The following TAFA1 variants were observed in gnomAD, a reference collection of about 807,000 sequenced individuals.
The protein encoded by TAFA1 is chemokine-like protein TAFA-1.
Under a neutral mutation model 18.5 loss-of-function variants are expected in TAFA1, and 4 were observed. The observed-to-expected ratio is 0.22, with a 90% CI of 0.11 to 0.49. TAFA1 has a LOEUF of 0.49. Ranked by LOEUF, TAFA1 falls within the 20% of genes least tolerant of loss-of-function variation. The probability of loss-of-function intolerance (pLI) is 0.98; values close to 1 mark genes in which losing one functional copy is unlikely to be tolerated. For missense variants in TAFA1, 147 were observed against 169.0 expected, an observed-to-expected ratio of 0.87 and a Z score of 0.72; for synonymous variants, 56 against 55.2, an observed-to-expected ratio of 1.01 and a Z score of -0.06.
intron 2 of TAFA1, among the ~76,000 whole-genome samples, chr3:68,389,419 G>T (rs1159321702): frequency 6.6e-6 from 1 of 152,002 alleles, no homozygotes. Context: ...TAATATCTTT[G>T]TATGCATAAC....
chr3:67,995,944 A>G, the TAFA1 span, among the ~76,000 whole-genome samples: 1 of 152,244 alleles, frequency 6.6e-6, no homozygotes, highest in South Asian at 2.1e-4. Context: ...GTATTCATTC[A>G]TTCGCACATT....
Position 68,544,638 on chromosome 3 carries a change from C to A in TAFA1, c.*135C>A. ...GACTGGCTACCAGATAATCACAGTG[C>A]GTTTACTGTGTGTAACGAAATATCC... On this transcript the variant is annotated 3_prime_UTR_variant, in exon 5 of 5. Transcript: ENST00000478136. 2 of 855,110 alleles carry A rather than the reference C, an allele frequency of 2.3e-6. No homozygotes were observed. The highest frequency in any genetic ancestry group is 3.8e-6 in the Non-Finnish European group (2 of 530,284). 53.0% of individuals were successfully genotyped at this position (855,110 alleles called of 1,614,324 possible).
rs564263005 is a variant in TAFA1 at position 68,181,587 on chromosome 3, A to C, written c.118+174843A>C. Among the ~76,000 whole-genome samples, 127 of 152,258 alleles carry C rather than the reference A, an allele frequency of 8.3e-4. 1 individual carries two copies. Among genetic ancestry groups the C allele is most frequent in the African/African-American group, 3.0e-3 (123 of 41,556 alleles). ...ATAGGGTAATTATTATTTTTTATGC[A>C]CTGTTTAGATTTATCTTTTAAAAAT... is the stretch of plus-strand genomic sequence containing the variant. On this transcript the variant is annotated intron_variant, in intron 2 of 4. Transcript: ENST00000478136.
chr3:68,426,760 G>A (rs1198586773), intron 3 of TAFA1, among the ~76,000 whole-genome samples: 5 of 151,686 alleles, frequency 3.3e-5, no homozygotes, highest in South Asian at 2.1e-4. Flanking sequence ...TGGCTGTTTC[G>A]GGTACATAAT....
At chr3:68,060,556 G>T (rs2064590256) in intron 2 of TAFA1, among the ~76,000 whole-genome samples, 1 of 152,208 alleles carries the variant, frequency 6.6e-6, no homozygotes, top group Non-Finnish European at 1.5e-5. Context: ...ACCAGCAAAT[G>T]AGATGGTGGG....
At chr3:68,149,519 C>A in intron 2 of TAFA1, among the ~76,000 whole-genome samples, 1 of 152,106 alleles carries the variant, frequency 6.6e-6, no homozygotes, top group East Asian at 1.9e-4. Context: ...AAAGGGGATC[C>A]AGTGTGTGGA....
intron 3 of TAFA1, among the ~76,000 whole-genome samples, chr3:68,465,387 G>A (rs1184158203): frequency 6.6e-6 from 1 of 152,102 alleles, no homozygotes; most frequent in Non-Finnish European, 1.5e-5. Context: ...GACAGCTGTA[G>A]GTGTCTAAAG....
At chr3:68,050,755 A>G (rs1313393007) in intron 2 of TAFA1, among the ~76,000 whole-genome samples, 1 of 152,146 alleles carries the variant, frequency 6.6e-6, no homozygotes, top group Non-Finnish European at 1.5e-5. Context: ...TCCAGAGAAT[A>G]ATTATATGTC....
At chr3:68,092,710 A>G (rs1347817303) in intron 2 of TAFA1, among the ~76,000 whole-genome samples, 1 of 152,286 alleles carries the variant, frequency 6.6e-6, no homozygotes, top group African/African-American at 2.4e-5. Context: ...AACAGCTCTC[A>G]GAAGTCATAA....
chr3:68,254,388 G>A (rs1425443274), intron 2 of TAFA1, among the ~76,000 whole-genome samples: 3 of 152,028 alleles, frequency 2.0e-5, no homozygotes, highest in Non-Finnish European at 4.4e-5. Flanking sequence ...AATTAGATGT[G>A]CTTTTTCATT....
intron 2 of TAFA1, among the ~76,000 whole-genome samples, chr3:68,117,221 G>T (rs1219882183): frequency 6.6e-6 from 1 of 152,180 alleles, no homozygotes; most frequent in Non-Finnish European, 1.5e-5. Context: ...CTTGGAGCCA[G>T]TCTGGGGTTT....
At chr3:68,022,586 A>T (rs567140728) in intron 2 of TAFA1, among the ~76,000 whole-genome samples, 1 of 152,064 alleles carries the variant, frequency 6.6e-6, no homozygotes, top group African/African-American at 2.4e-5. Context: ...TAAGGGATGG[A>T]ATTTGAGTAG....
intron 2 of TAFA1, among the ~76,000 whole-genome samples, chr3:68,179,523 G>T (rs1168469492): frequency 6.6e-6 from 1 of 152,002 alleles, no homozygotes; most frequent in Non-Finnish European, 1.5e-5. Flanking sequence ...TGAACTAGGG[G>T]TTTTCTTTTT....
intron 2 of TAFA1, among the ~76,000 whole-genome samples, chr3:68,388,426 AT>A (rs1172009298): frequency 1.3e-5 from 2 of 152,168 alleles, no homozygotes; most frequent in East Asian, 1.9e-4. Context: ...AGACCTTTCT[AT>A]TTTTTTAAAC....
chr3:68,156,760 T>A (rs1393320290), intron 2 of TAFA1, among the ~76,000 whole-genome samples: 1 of 101,680 alleles, frequency 9.8e-6, no homozygotes, highest in Non-Finnish European at 2.2e-5. Flanking sequence ...TTACTGAGTA[T>A]GTGTTCTGTG....
chr3:68,064,866 C>A (rs187799676), intron 2 of TAFA1, among the ~76,000 whole-genome samples: 1 of 152,040 alleles, frequency 6.6e-6, no homozygotes, highest in Non-Finnish European at 1.5e-5. Flanking sequence ...CATTTAAACT[C>A]TTTTCTTTAT....
intron 3 of TAFA1, among the ~76,000 whole-genome samples, chr3:68,495,235 G>T (rs543702394): frequency 2.0e-4 from 30 of 152,184 alleles, no homozygotes; most frequent in Non-Finnish European, 3.8e-4. Flanking sequence ...ATTTGTGCCT[G>T]TAGCACTTAC....
intron 2 of TAFA1, among the ~76,000 whole-genome samples, chr3:68,261,995 A>G (rs898041881): frequency 6.6e-6 from 1 of 151,784 alleles, no homozygotes; most frequent in Admixed American, 6.6e-5. Flanking sequence ...AAGTGAATTT[A>G]TATCACCTAC....
intron 3 of TAFA1, among the ~76,000 whole-genome samples, chr3:68,428,257 G>A (rs1490726626): frequency 1.3e-5 from 2 of 151,884 alleles, no homozygotes; most frequent in African/African-American, 4.8e-5. Context: ...ACTAGTACCA[G>A]AGAGATGTGA....
Sources: gnomAD v4.1 joint callset for allele counts (sites outside exome capture counted in the v4.1 genomes callset) on GRCh38, gnomAD v4.1.1 for gene constraint, MANE v1.5 for transcripts, NCBI Gene and HGNC (gene_info 2026-07-23, HGNC 2026-07-21) for gene names.